The following HERC4 variants were observed in gnomAD, a reference collection of about 807,000 sequenced individuals.
HERC4 encodes HECT and RLD domain containing E3 ubiquitin protein ligase 4.
A neutral mutation model predicts 124.3 loss-of-function variants in HERC4; 28 were observed. The ratio of observed to expected loss-of-function variants is 0.23; its 90% CI spans 0.17 to 0.31. HERC4 has a LOEUF of 0.31. Among genes scored for constraint, HERC4 ranks in the 10% least tolerant of loss-of-function variants. HERC4 has a pLI of 1.00. For missense variants in HERC4, 713 were observed against 1,229.3 expected (o/e 0.58, Z 6.28); for synonymous variants, 407 against 421.5 (o/e 0.97, Z 0.42).
chr10:68,046,556 T>C (rs1056568561), intron 3 of HERC4, among the ~76,000 whole-genome samples: 2 of 152,168 alleles, frequency 1.3e-5, no homozygotes, highest in African/African-American at 4.8e-5. Context: ...AAAATAAGCG[T>C]CCTAGCCCTC....
At chr10:68,034,750 G>A (rs1206103308) in intron 5 of HERC4, among the ~76,000 whole-genome samples, 3 of 151,772 alleles carry the variant, frequency 2.0e-5, no homozygotes, top group Non-Finnish European at 4.4e-5. Flanking sequence ...CCCCATTTTG[G>A]TAAGTAACAT....
chr10:67,954,851 A>G (rs1035832947), intron 18 of HERC4, 112 bp downstream of exon 18: 118 of 1,203,938 alleles, frequency 9.8e-5, no homozygotes, highest in Non-Finnish European at 1.2e-4. Flanking sequence ...AGTTTAAAAT[A>G]AATATAATTT....
intron 9 of HERC4, among the ~76,000 whole-genome samples, chr10:68,003,119 T>C (rs922074134): frequency 6.6e-6 from 1 of 152,068 alleles, no homozygotes; most frequent in Non-Finnish European, 1.5e-5. Context: ...TGTTGTGCTA[T>C]GAAATACTAG....
chr10:68,034,483 C>T (rs1166718938), intron 5 of HERC4, among the ~76,000 whole-genome samples: 4 of 152,144 alleles, frequency 2.6e-5, no homozygotes, highest in Non-Finnish European at 4.4e-5. Flanking sequence ...TCAACAGTCT[C>T]CTTTTAATAT....
At chr10:67,929,942 CA>C (rs1490769748) in intron 23 of HERC4, among the ~76,000 whole-genome samples, 1 of 151,848 alleles carries the variant, frequency 6.6e-6, no homozygotes, top group Non-Finnish European at 1.5e-5. Context: ...GCCTCCCGAG[CA>C]GCTGGGATTA....
At chr10:68,018,340 TA>T (rs796871214) in intron 8 of HERC4, among the ~76,000 whole-genome samples, 2 of 151,486 alleles carry the variant, frequency 1.3e-5, no homozygotes, top group East Asian at 1.9e-4. Flanking sequence ...CCATTCACAA[TA>T]AAAAAAACTA....
At chr10:67,928,962 G>A (rs1300980073) in intron 23 of HERC4, among the ~76,000 whole-genome samples, 1 of 151,746 alleles carries the variant, frequency 6.6e-6, no homozygotes, top group African/African-American at 2.4e-5. Flanking sequence ...TGTCCCTCTG[G>A]AGGCTTAGAA....
intron 23 of HERC4, among the ~76,000 whole-genome samples, chr10:67,926,416 T>TAA (rs11305276): frequency 8.4e-6 from 1 of 119,448 alleles, no homozygotes; most frequent in African/African-American, 3.1e-5. Flanking sequence ...AAATAAAAAA[T>TAA]AAAAAAAAAA....
chr10:68,032,985 A>G (rs1398230211), intron 6 of HERC4, 116 bp from the exon 7 acceptor site: 2 of 628,642 alleles, frequency 3.2e-6, no homozygotes, highest in Non-Finnish European at 5.8e-6. Flanking sequence ...AATTTTAACT[A>G]TGATTCGATG....
intron 4 of HERC4, among the ~76,000 whole-genome samples, chr10:68,043,553 C>T (rs750328075): frequency 5.9e-5 from 9 of 152,122 alleles, no homozygotes; most frequent in African/African-American, 1.4e-4. Context: ...CAGTGCTTCA[C>T]GCCTATAATC....
At chr10:68,069,998 T>C (rs2041494217) in intron 3 of HERC4, 5 of 730,870 alleles carry the variant, frequency 6.8e-6, no homozygotes, top group Non-Finnish European at 6.7e-6. Flanking sequence ...GCAGAGATCG[T>C]GCCACTGCAT....
intron 8 of HERC4, among the ~76,000 whole-genome samples, chr10:68,023,700 A>C (rs959176064): frequency 6.6e-6 from 1 of 152,172 alleles, no homozygotes; most frequent in East Asian, 1.9e-4. Context: ...TTAAGGTGGT[A>C]AATTTTGTTG....
chr10:67,935,442 G>A, intron 22 of HERC4, among the ~76,000 whole-genome samples: 1 of 152,130 alleles, frequency 6.6e-6, no homozygotes, highest in Non-Finnish European at 1.5e-5. Context: ...ACTGTGCGGG[G>A]CCTATGGATT....
chr10:67,964,302 T>C (rs1213062934), intron 16 of HERC4, among the ~76,000 whole-genome samples: 1 of 152,166 alleles, frequency 6.6e-6, no homozygotes, highest in African/African-American at 2.4e-5. Context: ...ACAGTCTCTC[T>C]TTCACTTTTA....
intron 6 of HERC4, among the ~76,000 whole-genome samples, chr10:68,033,283 G>A (rs2039303123): frequency 6.6e-6 from 1 of 152,022 alleles, no homozygotes; most frequent in Non-Finnish European, 1.5e-5. Flanking sequence ...ATCCTAATAT[G>A]ACATATTTTT....
Position 67,941,067 on chromosome 10 carries a change from A to G in HERC4, c.2376T>C (p.Val792=), listed in dbSNP as rs547987610. 1.2e-4 allele frequency: 186 copies of G among 1,602,280 alleles called. 2 individuals carry two copies. In the South Asian group the frequency reaches 1.9e-3, roughly 17 times the overall value. The part of the protein sequence containing the change: ...EDSDLFHLIG[V]ICGLAIYNCT... ...AATTATAAATTGCTAAGCCACAGAT[A>G]ACACCAATCAAATGGAACAAATCAC... The change falls in exon 20 of 25, where the codon GTT becomes GTC. Residue 792 remains valine, a synonymous_variant. Transcript: ENST00000373700.
In HERC4 at chr10:67,978,434, G is replaced by A. The variant is rs79376597; in HGVS notation, c.1806+10229C>T. Among the ~76,000 whole-genome samples the A allele has an allele frequency of 0.021, 3,235 of 152,296 alleles. 310 individuals carry two copies. The East Asian group carries it at 0.31, about 15-fold the overall frequency. ...GTAAGGACTATTTTGTGGTTTGAGG[G>A]CCAGCTCAGCTGCAGTACAACAGAA... On this transcript the variant is annotated intron_variant, in intron 15 of 24. Coordinates refer to ENST00000373700, the MANE Select transcript of HERC4 (RefSeq NM_015601.4).
chr10:68,059,488 T>TAATATTATA (rs1554830100), intron 3 of HERC4, among the ~76,000 whole-genome samples: 6 of 121,554 alleles, frequency 4.9e-5, no homozygotes, highest in African/African-American at 2.0e-4. Context: ...ATATTATATA[T>TAATATTATA]TATAACATTA....
chr10:67,962,223 CA>C (rs34157958), intron 16 of HERC4, among the ~76,000 whole-genome samples: 77,833 of 142,858 alleles, frequency 0.54, 21,957 homozygotes, highest in Non-Finnish European at 0.66. Flanking sequence ...TTTAAATAAG[CA>C]AAAAAAAAAA....
Sources: allele counts gnomAD v4.1 joint callset (sites outside exome capture counted in the v4.1 genomes callset), GRCh38; gene constraint gnomAD v4.1.1; transcripts MANE v1.5; gene names NCBI Gene and HGNC (gene_info 2026-07-23, HGNC 2026-07-21).